SPARC: variants seen among roughly 807,000 people sequenced by gnomAD.
The protein encoded by SPARC is secreted protein acidic and cysteine rich.
Under a neutral mutation model 37.7 loss-of-function variants are expected in SPARC, and 23 were observed. The observed-to-expected ratio is 0.61, with a 90% CI of 0.44 to 0.87. The LOEUF (loss-of-function observed/expected upper bound fraction) is 0.87, where lower values mean the gene tolerates loss of function less well. SPARC is among the 40% of genes least tolerant of loss of function. The pLI is 0.00. For synonymous variants in SPARC, 155 were observed against 150.8 expected (o/e 1.03, Z -0.20); for missense variants, 312 against 389.0 (o/e 0.80, Z 1.66).
At chr5:151,667,731 A>G in intron 6 of SPARC, 131 bp from the exon 7 acceptor site, 1 of 964,818 alleles carries the variant, frequency 1.0e-6, no homozygotes, top group Non-Finnish European at 1.5e-6. Context: ...TCCAGGCCAC[A>G]GTTTCTTCAC....
intron 8 of SPARC, among the ~76,000 whole-genome samples, chr5:151,664,920 A>T (rs548994263): frequency 1.3e-3 from 203 of 151,992 alleles, no homozygotes; most frequent in African/African-American, 4.4e-3. Flanking sequence ...CATGTGTATA[A>T]TTTTTTTCTT....
chr5:151,664,359 A>G (rs573293358), intron 8 of SPARC, 124 bp from the exon 9 acceptor site: 13 of 879,688 alleles, frequency 1.5e-5, no homozygotes, highest in Non-Finnish European at 2.3e-5. Context: ...GCAGGACAAA[A>G]AGCCAGAATC....
At chr5:151,681,381 T>C (rs1581531603) in intron 1 of SPARC, among the ~76,000 whole-genome samples, 1 of 152,342 alleles carries the variant, frequency 6.6e-6, no homozygotes, top group South Asian at 2.1e-4. Context: ...GTCTCCCAGC[T>C]CACTGTGCGA....
intron 9 of SPARC, 50 bp downstream of exon 9, chr5:151,664,037 G>T: frequency 6.2e-7 from 1 of 1,609,810 alleles, no homozygotes. Flanking sequence ...CCAGCACCCT[G>T]GGAGCAGTGT....
At chr5:151,684,207 G>C (rs141539206) in intron 1 of SPARC, among the ~76,000 whole-genome samples, 11 of 152,146 alleles carry the variant, frequency 7.2e-5, no homozygotes, top group Non-Finnish European at 1.3e-4. Context: ...CTTTTCAACT[G>C]GGGGTGCAGT....
chr5:151,669,291 C>T (rs1014511565), intron 6 of SPARC, among the ~76,000 whole-genome samples: 2 of 152,096 alleles, frequency 1.3e-5, no homozygotes, highest in African/African-American at 4.8e-5. Flanking sequence ...TTTTGTAGGC[C>T]CAGGTCAAAC....
chr5:151,685,040 G>A (rs180923675), intron 1 of SPARC: 80 of 152,288 alleles, frequency 5.3e-4, no homozygotes, highest in African/African-American at 1.9e-3. Flanking sequence ...CCAGCCAGCA[G>A]GCAGAGACCC....
chr5:151,670,328 A>G (rs1421106791), intron 5 of SPARC, among the ~76,000 whole-genome samples: 1 of 152,164 alleles, frequency 6.6e-6, no homozygotes, highest in Non-Finnish European at 1.5e-5. Context: ...GAAGTGTGAA[A>G]TTCTGGTGCA....
intron 1 of SPARC, among the ~76,000 whole-genome samples, chr5:151,682,669 G>C (rs1273153716): frequency 6.6e-6 from 1 of 152,218 alleles, no homozygotes; most frequent in South Asian, 2.1e-4. Context: ...TCTTATTGTA[G>C]AGGTAGAGAA....
In SPARC at chr5:151,664,149, T is replaced by C. The variant is rs1244318670; in HGVS notation, c.821A>G (p.Asp274Gly). Residue 274 changes from aspartate to glycine, a missense_variant, in exon 9 of 10, where the codon GAC becomes GGC. Transcript: ENST00000231061. Reference protein sequence around the residue: ...HCTTRFFETCDLDNDKYIALD... With the variant: ...HCTTRFFETCGLDNDKYIALD... ...GGCGATGTACTTGTCATTGTCCAGGTCACAGGTCTCGAAAAAGCGGGTGGT... is the reference window on the plus strand; with the variant it reads ...GGCGATGTACTTGTCATTGTCCAGGCCACAGGTCTCGAAAAAGCGGGTGGT... The C allele has an allele frequency of 6.2e-7, 1 of 1,613,980 alleles. No homozygotes were observed. The highest frequency in any genetic ancestry group is 2.2e-5 in the East Asian group (1 of 44,892).
rs1261921649 is a variant in SPARC, at chr5:151,678,567, A to G, written c.-13-2366T>C. On this transcript the variant is annotated intron_variant, in intron 1 of 9. Coordinates refer to ENST00000231061, the MANE Select transcript of SPARC (RefSeq NM_003118.4). ...CAGGCATGGAAGGGTTCTTAGTCCC[A>G]CTGTCCTAATGGGGAATCTGAGGTT... Among the ~76,000 whole-genome samples the G allele has an allele frequency of 2.6e-5, 4 of 152,172 alleles. No individual in the cohort carries two copies. The East Asian group carries it at 7.7e-4, about 29-fold the overall frequency.
chr5:151,681,866 C>T (rs1761000579), intron 1 of SPARC, among the ~76,000 whole-genome samples: 1 of 152,150 alleles, frequency 6.6e-6, no homozygotes, highest in Non-Finnish European at 1.5e-5. Context: ...GCACTCTCGC[C>T]TGGGCAACAA....
At chr5:151,674,100 C>T (rs1460762324) in intron 3 of SPARC, among the ~76,000 whole-genome samples, 2 of 151,978 alleles carry the variant, frequency 1.3e-5, no homozygotes, top group African/African-American at 4.8e-5. Flanking sequence ...CAACCTCCAC[C>T]TCCCGGGTTC....
intron 7 of SPARC, among the ~76,000 whole-genome samples, chr5:151,666,978 C>T (rs982783705): frequency 3.3e-5 from 5 of 152,176 alleles, no homozygotes; most frequent in Admixed American, 2.0e-4. Flanking sequence ...GAACCGAGAT[C>T]GCACCACTGC....
intron 8 of SPARC, 133 bp downstream of exon 8, chr5:151,666,228 C>G (rs1388730346): frequency 8.3e-6 from 7 of 840,018 alleles, no homozygotes; most frequent in African/African-American, 1.7e-5. Context: ...ATGCCTCATC[C>G]TTCTGCTCCA....
chr5:151,685,422 TCA>T (rs3033198), intron 1 of SPARC, among the ~76,000 whole-genome samples: 58,115 of 140,154 alleles, frequency 0.41, 12,286 homozygotes, highest in East Asian at 0.77. Context: ...CCTCTCTCTC[TCA>T]CACACACACA....
rs1561915396 is a variant in SPARC at position 151,664,127 on chromosome 5, G to A, written c.843C>T (p.Ile281=). The A allele has an allele frequency of 5.0e-6, 8 of 1,614,190 alleles. No individual in the cohort carries two copies. The highest frequency in any genetic ancestry group is 3.3e-5 in the Admixed American group (2 of 60,024). Reference sequence around the variant, plus strand: ...AGCAGCCGGCCCACTCATCCAGGGCGATGTACTTGTCATTGTCCAGGTCAC... The same window carrying A: ...AGCAGCCGGCCCACTCATCCAGGGCAATGTACTTGTCATTGTCCAGGTCAC... ...ETCDLDNDKY[I]ALDEWAGCFG... is the part of the protein sequence containing the mutation. The change falls in exon 9 of 10, where the codon ATC becomes ATT. Residue 281 remains isoleucine (I), a synonymous_variant. Coordinates refer to ENST00000231061, the MANE Select transcript of SPARC (RefSeq NM_003118.4).
At chr5:151,675,727 C>T (rs552569297) in intron 2 of SPARC, among the ~76,000 whole-genome samples, 1 of 152,130 alleles carries the variant, frequency 6.6e-6, no homozygotes, top group Non-Finnish European at 1.5e-5. Context: ...AACCAAACAA[C>T]CCTCACTGTT....
chr5:151,683,509 G>T lies in SPARC; in HGVS notation c.-14+3356C>A, dbSNP rs559642735. Among the ~76,000 whole-genome samples the T allele has an allele frequency of 2.0e-3, 309 of 152,336 alleles. 3 individuals are homozygous for T. Among genetic ancestry groups the T allele is most frequent in the African/African-American group, 6.8e-3 (284 of 41,580 alleles). On this transcript the variant is annotated intron_variant, in intron 1 of 9. Coordinates refer to ENST00000231061, the MANE Select transcript of SPARC (RefSeq NM_003118.4). ...CCAGTGAGTTATTTTCTCTTCCTGA[G>T]CCTCAGTTTCTCTCTCTCTGAGACA...
Sources: gnomAD v4.1 joint callset for allele counts (sites outside exome capture counted in the v4.1 genomes callset) on GRCh38, gnomAD v4.1.1 for gene constraint, MANE v1.5 for transcripts, NCBI Gene and HGNC (gene_info 2026-07-23, HGNC 2026-07-21) for gene names.